The following TGFBR3 variants were observed in gnomAD, a reference collection of about 807,000 sequenced individuals.
TGFBR3 encodes transforming growth factor beta receptor type 3.
Under a neutral mutation model 87.9 loss-of-function variants are expected in TGFBR3, and 46 were observed. The ratio of observed to expected loss-of-function variants is 0.52; its 90% CI spans 0.41 to 0.67. The LOEUF is 0.67. TGFBR3 is among the 30% of genes least tolerant of loss of function. TGFBR3 has a pLI of 0.00. For missense variants in TGFBR3, 866 were observed against 1,041.9 expected, an observed-to-expected ratio of 0.83 and a Z score of 2.32; for synonymous variants, 381 against 391.6, an observed-to-expected ratio of 0.97 and a Z score of 0.32.
At chr1:91,800,253 TATAC>T (rs142792827) in intron 2 of TGFBR3, among the ~76,000 whole-genome samples, 31,863 of 132,262 alleles carry the variant, frequency 0.24, 4,623 homozygotes, top group Admixed American at 0.32. Context: ...TATATATATA[TATAC>T]ACACACACAC....
chr1:91,749,602 A>C (rs759935776), intron 4 of TGFBR3, among the ~76,000 whole-genome samples: 1 of 152,196 alleles, frequency 6.6e-6, no homozygotes, highest in Non-Finnish European at 1.5e-5. Context: ...ATTTGCCTCA[A>C]ATAAACCCAA....
chr1:91,860,088 T>C (rs1397982497), intron 2 of TGFBR3, among the ~76,000 whole-genome samples: 3 of 152,154 alleles, frequency 2.0e-5, no homozygotes, highest in Admixed American at 6.5e-5. Context: ...GTGAAGAGCA[T>C]AGATGTAAAA....
chr1:91,753,140 C>T (rs1470466909), intron 4 of TGFBR3, among the ~76,000 whole-genome samples: 3 of 152,014 alleles, frequency 2.0e-5, no homozygotes, highest in South Asian at 4.1e-4. Context: ...AAACCCAGCA[C>T]TTTGGGAGGC....
chr1:91,712,719 AT>A (rs1672025408), intron 12 of TGFBR3, among the ~76,000 whole-genome samples, 177 bp from the exon 13 acceptor site: 1 of 152,180 alleles, frequency 6.6e-6, no homozygotes, highest in African/African-American at 2.4e-5. Context: ...AGAAAAAGAT[AT>A]TTTCCACTTC....
intron 1 of TGFBR3, among the ~76,000 whole-genome samples, chr1:91,868,789 G>C (rs903892652): frequency 6.6e-6 from 1 of 152,220 alleles, no homozygotes; most frequent in Non-Finnish European, 1.5e-5. Flanking sequence ...GCTTTTGATA[G>C]CCTGGACAAC....
chr1:91,703,631 AT>A (rs1453257485), intron 14 of TGFBR3, among the ~76,000 whole-genome samples: 28 of 152,208 alleles, frequency 1.8e-4, no homozygotes, highest in Non-Finnish European at 4.4e-5. Flanking sequence ...TTTAAAAAAA[AT>A]CATCACCGAC....
intron 12 of TGFBR3, among the ~76,000 whole-genome samples, chr1:91,715,081 C>G (rs1672117131): frequency 6.6e-6 from 1 of 152,184 alleles, no homozygotes; most frequent in Non-Finnish European, 1.5e-5. Context: ...CACTATGAAG[C>G]TGAGCTTGCA....
chr1:91,836,551 G>T (rs890351068), intron 2 of TGFBR3, among the ~76,000 whole-genome samples: 1 of 152,144 alleles, frequency 6.6e-6, no homozygotes. Context: ...AAGTTCTCCT[G>T]CTGGCAGTGA....
chr1:91,702,285 G>A (rs559765791), intron 14 of TGFBR3, among the ~76,000 whole-genome samples: 13 of 152,180 alleles, frequency 8.5e-5, no homozygotes, highest in African/African-American at 2.4e-4. Flanking sequence ...CAAATATCAC[G>A]TATATTTTAT....
chr1:91,811,943 A>C (rs1676045680), intron 2 of TGFBR3, among the ~76,000 whole-genome samples: 1 of 149,440 alleles, frequency 6.7e-6, no homozygotes, highest in African/African-American at 2.5e-5. Flanking sequence ...GCTGTTTTTC[A>C]GAAATCCGTG....
chr1:91,720,038 C>G lies in TGFBR3; in HGVS notation c.1268G>C (p.Arg423Pro), dbSNP rs201034517. Residue 423 changes from arginine to proline, a missense_variant, in exon 9 of 17, where the codon CGG becomes CCG. By Grantham distance (103) the Arg-to-Pro change is moderately radical. Transcript: ENST00000212355. ...WNEEGEDGLP[R>P]PKDPVIPSIQ... The stretch of plus-strand genomic sequence containing the variant: ...GCTGGGAATGACAGGGTCCTTTGGC[C>G]GAGGGAGCCCATCTTCTCCCTCTTC... 4 of 1,614,180 alleles carry G rather than the reference C, an allele frequency of 2.5e-6. No individual in the cohort carries two copies. Among genetic ancestry groups the G allele is most frequent in the South Asian group, 1.1e-5 (1 of 91,090 alleles).
intron 6 of TGFBR3, among the ~76,000 whole-genome samples, chr1:91,729,299 CACACACA>C (rs1672677226): frequency 1.3e-5 from 2 of 151,080 alleles, no homozygotes; most frequent in African/African-American, 4.8e-5. Context: ...CACACACACA[CACACACA>C]CACACACAGA....
At chr1:91,739,470 C>T (rs1240097335) in intron 4 of TGFBR3, among the ~76,000 whole-genome samples, 1 of 152,178 alleles carries the variant, frequency 6.6e-6, no homozygotes, top group Non-Finnish European at 1.5e-5. Flanking sequence ...ATTTTATTAG[C>T]TATAAATAAT....
At chr1:91,806,160 T>C (rs1203917681) in intron 2 of TGFBR3, among the ~76,000 whole-genome samples, 2 of 152,248 alleles carry the variant, frequency 1.3e-5, no homozygotes, top group African/African-American at 4.8e-5. Context: ...TTTTCACTAA[T>C]GCTTGCTTAT....
chr1:91,889,310 T>C (rs1372988945), upstream of TGFBR3, among the ~76,000 whole-genome samples: 1 of 152,068 alleles, frequency 6.6e-6, no homozygotes, highest in African/African-American at 2.4e-5. Context: ...CAATCTCACA[T>C]CCACCGACCT....
intron 2 of TGFBR3, among the ~76,000 whole-genome samples, chr1:91,853,742 G>A (rs1237735417): frequency 3.3e-5 from 5 of 152,298 alleles, no homozygotes; most frequent in Middle Eastern, 3.4e-3. Flanking sequence ...GGCCGGGAGC[G>A]GTGGCTCAGG....
At chr1:91,886,272 G>C (rs771739480), upstream of TGFBR3, 28 of 427,412 alleles carry the variant, frequency 6.6e-5, no homozygotes, top group Non-Finnish European at 1.2e-4. Context: ...GCCCCACCGG[G>C]GGCTCTCGGC....
At chr1:91,693,968 C>T (rs932210323) in intron 16 of TGFBR3, among the ~76,000 whole-genome samples, 9 of 152,290 alleles carry the variant, frequency 5.9e-5, no homozygotes, top group Admixed American at 3.9e-4. Flanking sequence ...AACTGATTCA[C>T]AGATGGTTAT....
chr1:91,903,127 T>C (rs1281756925), intron 1 of TGFBR3, among the ~76,000 whole-genome samples: 1 of 149,248 alleles, frequency 6.7e-6, no homozygotes, highest in East Asian at 2.0e-4. Context: ...TCACCTGAGG[T>C]TGGGAGTTTG....
Sources: gnomAD v4.1 joint callset for allele counts (sites outside exome capture counted in the v4.1 genomes callset) on GRCh38, gnomAD v4.1.1 for gene constraint, MANE v1.5 for transcripts, NCBI Gene and HGNC (gene_info 2026-07-23, HGNC 2026-07-21) for gene names.